NLGN1: variants seen among roughly 807,000 people sequenced by gnomAD.
NLGN1 encodes neuroligin 1.
NLGN1 carries 12 observed loss-of-function variants against 65.5 expected under a neutral mutation model. The observed-to-expected ratio is 0.18, with a 90% CI of 0.12 to 0.30. The LOEUF is 0.30. NLGN1 is among the 10% of genes least tolerant of loss of function. The pLI is 1.00. For missense variants in NLGN1, 750 were observed against 1,007.1 expected (o/e 0.74, Z 3.46); for synonymous variants, 350 against 359.5 (o/e 0.97, Z 0.30).
intron 2 of NLGN1, among the ~76,000 whole-genome samples, chr3:173,533,051 T>G (rs565112218): frequency 6.6e-6 from 1 of 152,340 alleles, no homozygotes; most frequent in East Asian, 1.9e-4. Flanking sequence ...CCATGGTCCT[T>G]TCCTGTAGTT....
At chr3:173,961,528 A>G (rs1425242398) in intron 4 of NLGN1, among the ~76,000 whole-genome samples, 2 of 152,100 alleles carry the variant, frequency 1.3e-5, no homozygotes, top group African/African-American at 4.8e-5. Flanking sequence ...ATTGGAATAT[A>G]TGGATATGTA....
At chr3:173,451,019 A>G (rs1315590174) in intron 2 of NLGN1, among the ~76,000 whole-genome samples, 3 of 152,052 alleles carry the variant, frequency 2.0e-5, no homozygotes, top group Non-Finnish European at 4.4e-5. Context: ...TTCCTCCTTT[A>G]GCTCAGAGTA....
chr3:173,464,476 C>A (rs2148900297), intron 2 of NLGN1, among the ~76,000 whole-genome samples: 1 of 132,202 alleles, frequency 7.6e-6, no homozygotes, highest in East Asian at 2.2e-4. Context: ...GCTCTTATTG[C>A]CCAGGCTGGA....
At position 173,826,350 on chromosome 3, in the gene NLGN1, C is replaced by CT. The variant is rs1237139936; in HGVS notation, c.646+18521dup. Among the ~76,000 whole-genome samples the CT allele has an allele frequency of 2.6e-5, 4 of 152,082 alleles. No homozygotes were observed. The East Asian group carries it at 7.7e-4, about 29-fold the overall frequency. On this transcript the variant is annotated intron_variant, in intron 4 of 6. Coordinates refer to ENST00000457714, the Ensembl canonical transcript of NLGN1. ...AGTAGTCACAGGGTTCCACATTGCC[C>CT]TTTCATTGCCTCAACCCAAAGGAAC...
chr3:173,630,760 C>A (rs571735461), intron 3 of NLGN1, among the ~76,000 whole-genome samples: 1 of 152,194 alleles, frequency 6.6e-6, no homozygotes, highest in Admixed American at 6.6e-5. Context: ...TAATACAGAA[C>A]AATATTCTTC....
intron 4 of NLGN1, among the ~76,000 whole-genome samples, chr3:174,088,888 A>C (rs971689000): frequency 1.3e-5 from 2 of 152,116 alleles, no homozygotes; most frequent in African/African-American, 4.8e-5. Flanking sequence ...CCTGAAATTC[A>C]TCACACCAAG....
chr3:173,413,320 G>A (rs993786641), intron 1 of NLGN1, among the ~76,000 whole-genome samples: 1 of 151,922 alleles, frequency 6.6e-6, no homozygotes, highest in Non-Finnish European at 1.5e-5. Flanking sequence ...GAGACTTCTC[G>A]GCCGGGTGCT....
At chr3:173,513,622 C>T (rs918417620) in intron 2 of NLGN1, among the ~76,000 whole-genome samples, 2 of 152,142 alleles carry the variant, frequency 1.3e-5, no homozygotes, top group Non-Finnish European at 2.9e-5. Flanking sequence ...TCCACAGATA[C>T]CAAAGTAGAA....
chr3:173,920,213 G>A (rs1410953064), intron 4 of NLGN1, among the ~76,000 whole-genome samples: 2 of 151,896 alleles, frequency 1.3e-5, no homozygotes, highest in African/African-American at 4.8e-5. Flanking sequence ...AAGTGTTCTA[G>A]CCTACTACTA....
intron 2 of NLGN1, among the ~76,000 whole-genome samples, chr3:173,446,414 C>T (rs953992111): frequency 5.7e-4 from 87 of 152,198 alleles, no homozygotes; most frequent in African/African-American, 1.9e-3. Flanking sequence ...TTTATGGCTG[C>T]GTAGTATTCC....
chr3:173,895,857 ATT>A (rs1339896856), intron 4 of NLGN1, among the ~76,000 whole-genome samples: 1 of 151,860 alleles, frequency 6.6e-6, no homozygotes, highest in Admixed American at 6.6e-5. Context: ...CACATGGCTA[ATT>A]TTTGTATTTT....
At chr3:174,252,260 CT>C (rs749487359) in intron 4 of NLGN1, among the ~76,000 whole-genome samples, 1 of 152,006 alleles carries the variant, frequency 6.6e-6, no homozygotes, top group Non-Finnish European at 1.5e-5. Flanking sequence ...AAAATGTAGT[CT>C]GGAGGAAAGG....
intron 4 of NLGN1, among the ~76,000 whole-genome samples, chr3:174,243,192 A>C (rs2152833559): frequency 6.6e-6 from 1 of 152,328 alleles, no homozygotes; most frequent in South Asian, 2.1e-4. Flanking sequence ...CATTTCTAAT[A>C]CCCAAAAAGA....
intron 2 of NLGN1, among the ~76,000 whole-genome samples, chr3:173,585,875 A>G (rs894982448): frequency 2.0e-5 from 3 of 152,324 alleles, no homozygotes; most frequent in South Asian, 2.1e-4. Context: ...GTAGCTCCCA[A>G]GAAAAACTCA....
chr3:174,195,368 A>G (rs1733219031), intron 4 of NLGN1, among the ~76,000 whole-genome samples: 4 of 152,392 alleles, frequency 2.6e-5, no homozygotes, highest in Non-Finnish European at 4.4e-5. Context: ...ATTAACATCA[A>G]TTATCACTGT....
intron 3 of NLGN1, among the ~76,000 whole-genome samples, chr3:173,635,936 T>C (rs2149564310): frequency 6.6e-6 from 1 of 152,212 alleles, no homozygotes; most frequent in East Asian, 1.9e-4. Flanking sequence ...AAGATAGTGA[T>C]CAAGAACACT....
At chr3:173,909,801 C>T (rs1739211414) in intron 4 of NLGN1, among the ~76,000 whole-genome samples, 1 of 152,158 alleles carries the variant, frequency 6.6e-6, no homozygotes, top group South Asian at 2.1e-4. Context: ...GCCTCAGCCT[C>T]CTGAGTAGCT....
In NLGN1 at chr3:173,843,640, T is replaced by G. The variant is rs140239858; in HGVS notation, c.646+35808T>G. Among the ~76,000 whole-genome samples, 1,247 of 152,284 alleles carry G rather than the reference T, an allele frequency of 8.2e-3. 13 individuals are homozygous for G. The highest frequency in any genetic ancestry group is 0.029 in the African/African-American group (1,200 of 41,546). ...GTTAAAACATAACAAGAGTCACCTT[T>G]GCTCCAGTTGCAACAAGTTCCTCAT... On this transcript the variant is annotated intron_variant, in intron 4 of 6. Coordinates refer to ENST00000457714, the Ensembl canonical transcript of NLGN1.
intron 4 of NLGN1, among the ~76,000 whole-genome samples, chr3:173,889,824 AT>A (rs1308234507): frequency 3.9e-5 from 6 of 152,174 alleles, no homozygotes; most frequent in South Asian, 2.1e-4. Context: ...CGGTGCATAC[AT>A]TTATACTTTA....
Sources: allele counts gnomAD v4.1 joint callset (sites outside exome capture counted in the v4.1 genomes callset), GRCh38; gene constraint gnomAD v4.1.1; transcripts MANE v1.5; gene names NCBI Gene and HGNC (gene_info 2026-07-23, HGNC 2026-07-21).